FAM185A: variants seen among roughly 807,000 people sequenced by gnomAD.
FAM185A encodes family with sequence similarity 185 member A.
Under a neutral mutation model 45.7 loss-of-function variants are expected in FAM185A, and 21 were observed. The observed-to-expected ratio is 0.46, with a 90% confidence interval of 0.33 to 0.66. FAM185A has a LOEUF of 0.66. Ranked by LOEUF, FAM185A falls within the 30% of genes least tolerant of loss-of-function variation. The pLI is 0.03. For missense variants in FAM185A, 305 were observed against 485.4 expected (o/e 0.63, Z 3.49); for synonymous variants, 117 against 194.0 (o/e 0.60, Z 3.30).
intron 6 of FAM185A, among the ~76,000 whole-genome samples, chr7:102,783,619 CATACCAGAATCTCTGGTATGTCAAAG>C (rs573010715): frequency 1.1e-4 from 16 of 151,534 alleles, no homozygotes; most frequent in African/African-American, 3.7e-4. Flanking sequence ...AAAGACACAA[CATACCAGAATCTCTGGTATGTCAAAG>C]ATACCAGAAT....
At chr7:102,822,943 T>A in the FAM185A span, among the ~76,000 whole-genome samples, 2 of 152,112 alleles carry the variant, frequency 1.3e-5, no homozygotes, top group Non-Finnish European at 2.9e-5. Flanking sequence ...GTGCCTGTAG[T>A]CCCAGCTACT....
downstream of FAM185A, among the ~76,000 whole-genome samples, chr7:102,812,928 C>T (rs1029374832): frequency 6.6e-6 from 1 of 151,134 alleles, no homozygotes; most frequent in African/African-American, 2.4e-5. Flanking sequence ...CTGCAACCTC[C>T]GCCTCTCAGG....
intron 2 of FAM185A, among the ~76,000 whole-genome samples, chr7:102,752,273 A>C (rs376186912): frequency 7.1e-6 from 1 of 140,948 alleles, no homozygotes; most frequent in South Asian, 2.2e-4. Flanking sequence ...TGTAATTAAA[A>C]TTTTTTTTTT....
chr7:102,749,715 A>G, intron 1 of FAM185A, 57 bp downstream of exon 1: 1 of 1,497,236 alleles, frequency 6.7e-7, no homozygotes, highest in Non-Finnish European at 8.9e-7. Flanking sequence ...AGTGAACTTA[A>G]TAAATGTGGT....
At chr7:102,844,786 G>A in the FAM185A span, among the ~76,000 whole-genome samples, 8 of 152,136 alleles carry the variant, frequency 5.3e-5, no homozygotes, top group Non-Finnish European at 1.0e-4. Flanking sequence ...GATGCCAATC[G>A]CAAGTCCCAG....
At chr7:102,813,283 C>T, downstream of FAM185A, 9 of 1,486,036 alleles carry the variant, frequency 6.1e-6, no homozygotes, top group Non-Finnish European at 7.3e-6. Flanking sequence ...ATACTTGCAA[C>T]AAATGGAGAA....
downstream of FAM185A, chr7:102,813,668 G>C: frequency 1.2e-6 from 1 of 833,776 alleles, no homozygotes; most frequent in Non-Finnish European, 1.9e-6. Context: ...GCCTTGCTGA[G>C]AGTGAGGATA....
intron 6 of FAM185A, among the ~76,000 whole-genome samples, chr7:102,785,557 C>G (rs1795732999): frequency 1.3e-5 from 2 of 151,980 alleles, no homozygotes; most frequent in African/African-American, 2.4e-5. Context: ...TTTGACAAAC[C>G]TGACAAAAAC....
At chr7:102,775,344 G>GA (rs1390427909) in intron 5 of FAM185A, among the ~76,000 whole-genome samples, 1 of 152,152 alleles carries the variant, frequency 6.6e-6, no homozygotes, top group Non-Finnish European at 1.5e-5. Flanking sequence ...TTCTGTGGAT[G>GA]AAGCCTTAAT....
intron 4 of FAM185A, among the ~76,000 whole-genome samples, chr7:102,769,595 C>CT (rs1447310594): frequency 2.0e-5 from 3 of 151,808 alleles, no homozygotes; most frequent in African/African-American, 4.8e-5. Flanking sequence ...AGGGACCTGT[C>CT]TATCTTTTAT....
chr7:102,790,127 G>C (rs1014089042), intron 7 of FAM185A, among the ~76,000 whole-genome samples: 1 of 151,942 alleles, frequency 6.6e-6, no homozygotes, highest in Non-Finnish European at 1.5e-5. Context: ...ACGATAAAAA[G>C]TATAGTAAAT....
chr7:102,784,405 C>G lies in FAM185A; in HGVS notation c.932-2930C>G, dbSNP rs532447163. Among the ~76,000 whole-genome samples, 218 of 152,244 alleles carry G rather than the reference C, an allele frequency of 1.4e-3. 2 individuals are homozygous for G. The highest frequency in any genetic ancestry group is 5.1e-3 in the African/African-American group (213 of 41,534). On this transcript the variant is annotated intron_variant, in intron 6 of 7. Transcript: ENST00000413034. Reference sequence around the variant, plus strand: ...AAAAAGAGAATTTTAGACCAATATTCCTGATGAACATCGATGCAAAAATCC... The same window carrying G: ...AAAAAGAGAATTTTAGACCAATATTGCTGATGAACATCGATGCAAAAATCC...
intron 2 of FAM185A, among the ~76,000 whole-genome samples, chr7:102,754,757 T>G (rs1793594498): frequency 6.6e-6 from 1 of 152,252 alleles, no homozygotes; most frequent in Admixed American, 6.5e-5. Flanking sequence ...AAGACCACAT[T>G]TGTACAGCAT....
the FAM185A span, among the ~76,000 whole-genome samples, chr7:102,841,268 T>C: frequency 2.6e-5 from 4 of 152,306 alleles, no homozygotes; most frequent in Admixed American, 2.6e-4. Context: ...TTTTTAACTT[T>C]TGGCAAGTTT....
At chr7:102,781,771 G>A (rs572001857) in intron 6 of FAM185A, among the ~76,000 whole-genome samples, 19 of 152,298 alleles carry the variant, frequency 1.2e-4, no homozygotes, top group African/African-American at 1.9e-4. Context: ...CTAGAGGAAC[G>A]CGGCTCCTCA....
At chr7:102,773,643 C>G (rs1415927035) in intron 5 of FAM185A, among the ~76,000 whole-genome samples, 2 of 152,116 alleles carry the variant, frequency 1.3e-5, no homozygotes, top group African/African-American at 4.8e-5. Flanking sequence ...CAGACCTTTT[C>G]CCAAAGTTCC....
intron 5 of FAM185A, among the ~76,000 whole-genome samples, chr7:102,776,099 T>TACACACACACACACACACATACAC (rs1360377462): frequency 9.4e-6 from 1 of 106,696 alleles, no homozygotes; most frequent in Admixed American, 8.5e-5. Flanking sequence ...TTGGCTCCTA[T>TACACACACACACACACACATACAC]ACACACACAC....
At chr7:102,775,117 A>G (rs1421582236) in intron 5 of FAM185A, among the ~76,000 whole-genome samples, 1 of 152,182 alleles carries the variant, frequency 6.6e-6, no homozygotes, top group African/African-American at 2.4e-5. Context: ...TATACTGTGA[A>G]ATAATTTCCA....
At chr7:102,761,672 T>G (rs1295638233) in intron 4 of FAM185A, among the ~76,000 whole-genome samples, 1 of 149,384 alleles carries the variant, frequency 6.7e-6, no homozygotes. Flanking sequence ...TTCTTTTTTC[T>G]TTTTTTTTTG....
Sources: gnomAD v4.1 joint callset for allele counts (sites outside exome capture counted in the v4.1 genomes callset) on GRCh38, gnomAD v4.1.1 for gene constraint, MANE v1.5 for transcripts, NCBI Gene and HGNC (gene_info 2026-07-23, HGNC 2026-07-21) for gene names.